BOD1: variants seen among roughly 807,000 people sequenced by gnomAD.
BOD1 encodes the protein biorientation of chromosomes in cell division 1.
A neutral mutation model predicts 15.7 loss-of-function variants in BOD1; 11 were observed. The observed-to-expected ratio is 0.70, with a 90% confidence interval of 0.44 to 1.16. The LOEUF (loss-of-function observed/expected upper bound fraction) is 1.16, where lower values mean the gene tolerates loss of function less well. BOD1 is among the 50% of genes most tolerant of loss of function. BOD1 has a pLI of 0.00. For synonymous variants in BOD1, 105 were observed against 103.5 expected (o/e 1.01, Z -0.09); for missense variants, 182 against 244.5 (o/e 0.74, Z 1.70).
chr5:173,608,146 C>A lies in BOD1; in HGVS notation c.*148G>T. The A allele has an allele frequency of 1.0e-6, 1 of 980,660 alleles. No individual in the cohort carries two copies. The highest frequency in any genetic ancestry group is 1.4e-5 in the South Asian group (1 of 72,950). 60.7% of individuals were successfully genotyped at this position (980,660 alleles called of 1,614,324 possible). A position where few individuals can be genotyped will look rare whatever the true frequency, so the allele number is the denominator to read the frequency against. ...CTCTCCCACTGCCGAACTTGCTCCC[C>A]TTTCAATCTGGTCACTGCCCATGGT... On this transcript the variant is annotated 3_prime_UTR_variant, in exon 4 of 4. Coordinates refer to ENST00000311086, the MANE Select transcript of BOD1 (RefSeq NM_138369.3).
rs1452310218 is a variant in BOD1 at position 173,616,569 on chromosome 5, T to TGGCGGCAGGGGCGGTGGTGGG, written c.-154_-134dup. 1.3e-5 allele frequency: 18 copies of TGGCGGCAGGGGCGGTGGTGGG among 1,376,538 alleles called. No homozygotes were observed. Among genetic ancestry groups the TGGCGGCAGGGGCGGTGGTGGG allele is most frequent in the African/African-American group, 1.5e-5 (1 of 64,892 alleles). 85.3% of individuals were successfully genotyped at this position (1,376,538 alleles called of 1,614,324 possible). A position where few individuals can be genotyped will look rare whatever the true frequency, so the allele number is the denominator to read the frequency against. On this transcript the variant is annotated 5_prime_UTR_variant, in exon 1 of 4. Coordinates refer to ENST00000311086, the MANE Select transcript of BOD1 (RefSeq NM_138369.3). ...AAGGCGGCAGCGGCGGAGGTGGCGA[T>TGGCGGCAGGGGCGGTGGTGGG]GGCGGCAGGGGCGGTGGTGGGGGCG...
intron 2 of BOD1, among the ~76,000 whole-genome samples, chr5:173,611,623 C>A (rs1424792666): frequency 6.6e-6 from 1 of 152,040 alleles, no homozygotes; most frequent in Non-Finnish European, 1.5e-5. Context: ...GGAAAACTTC[C>A]GAAAGGAGGA....
intron 2 of BOD1, 120 bp downstream of exon 2, chr5:173,613,011 C>G: frequency 3.1e-6 from 4 of 1,280,580 alleles, no homozygotes; most frequent in Non-Finnish European, 4.3e-6. Flanking sequence ...ACTGCTGCAA[C>G]TCCTAAGTGA....
At chr5:173,612,712 G>A (rs571476189) in intron 2 of BOD1, among the ~76,000 whole-genome samples, 42 of 152,344 alleles carry the variant, frequency 2.8e-4, no homozygotes, top group Non-Finnish European at 5.1e-4. Context: ...ACACTTTAGA[G>A]GTGGCAGTCC....
At chr5:173,609,501 T>C in intron 2 of BOD1, 67 bp from the exon 3 acceptor site, 2 of 1,537,738 alleles carry the variant, frequency 1.3e-6, no homozygotes, top group Non-Finnish European at 1.8e-6. Context: ...CCCCAATAAG[T>C]GTCACGTGCG....
chr5:173,615,535 C>G (rs749538072), intron 1 of BOD1, among the ~76,000 whole-genome samples: 1 of 152,224 alleles, frequency 6.6e-6, no homozygotes, highest in East Asian at 1.9e-4. Context: ...CCAGCAACTA[C>G]TGTATGTCTG....
chr5:173,613,375 G>T, intron 1 of BOD1, 120 bp from the exon 2 acceptor site: 2 of 1,197,856 alleles, frequency 1.7e-6, no homozygotes, highest in Non-Finnish European at 1.2e-6. Flanking sequence ...CTTCCACTGT[G>T]CATGAAGATC....
At chr5:173,611,371 G>C (rs1755347948) in intron 2 of BOD1, among the ~76,000 whole-genome samples, 1 of 152,234 alleles carries the variant, frequency 6.6e-6, no homozygotes, top group South Asian at 2.1e-4. Flanking sequence ...GTCCACCTGG[G>C]GAGAGCACCT....
chr5:173,615,642 G>C (rs748555401), intron 1 of BOD1, among the ~76,000 whole-genome samples: 3 of 152,216 alleles, frequency 2.0e-5, no homozygotes, highest in Non-Finnish European at 4.4e-5. Context: ...ATGGCATTAG[G>C]ATCTCAACTA....
intron 2 of BOD1, among the ~76,000 whole-genome samples, chr5:173,612,098 C>T (rs928641468): frequency 4.6e-5 from 7 of 152,252 alleles, no homozygotes; most frequent in African/African-American, 1.7e-4. Context: ...GGTACTGACT[C>T]CAGAATGACA....
Position 173,613,208 on chromosome 5 carries a change from T to C in BOD1, c.285A>G (p.Thr95=), listed in dbSNP as rs1755401833. The C allele has an allele frequency of 1.2e-6, 2 of 1,613,734 alleles. No individual in the cohort carries two copies. The highest frequency in any genetic ancestry group is 1.7e-6 in the Non-Finnish European group (2 of 1,179,636). ...GATTCCATTCCTGCTTGTCCAGATG[T>C]GTTGACACAAAATTATCCACTTTCT... ...LRQKVDNFVS[T]HLDKQEWNPT... Residue 95 remains threonine, a synonymous_variant, in exon 2 of 4, where the codon ACA becomes ACG. Transcript: ENST00000311086.
chr5:173,611,911 G>C (rs1755364665), intron 2 of BOD1, among the ~76,000 whole-genome samples: 1 of 152,252 alleles, frequency 6.6e-6, no homozygotes. Flanking sequence ...TCAAGACAGG[G>C]TAAACACAAG....
chr5:173,610,638 C>G (rs75747090), intron 2 of BOD1, among the ~76,000 whole-genome samples: 1,631 of 152,302 alleles, frequency 0.011, 32 homozygotes, highest in African/African-American at 0.037. Flanking sequence ...GGAAAGCCAC[C>G]TCTCCTCAGT....
At chr5:173,608,687 C>T (rs760179634) in intron 3 of BOD1, among the ~76,000 whole-genome samples, 2 of 152,212 alleles carry the variant, frequency 1.3e-5, no homozygotes, top group Non-Finnish European at 2.9e-5. Context: ...TTCTTTTGTA[C>T]ATCTACAGCT....
intron 1 of BOD1, among the ~76,000 whole-genome samples, chr5:173,613,681 C>T (rs543288935): frequency 2.6e-5 from 4 of 152,176 alleles, no homozygotes; most frequent in African/African-American, 7.2e-5. Flanking sequence ...AGCATTACTG[C>T]GGCAAAGTTT....
chr5:173,615,242 A>G (rs1755463457), intron 1 of BOD1, among the ~76,000 whole-genome samples: 1 of 152,244 alleles, frequency 6.6e-6, no homozygotes, highest in Non-Finnish European at 1.5e-5. Context: ...CAGTTTTCTA[A>G]CCTAGACTAT....
intron 1 of BOD1, among the ~76,000 whole-genome samples, 168 bp from the exon 2 acceptor site, chr5:173,613,423 C>T (rs961232491): frequency 5.3e-5 from 8 of 152,186 alleles, no homozygotes; most frequent in Admixed American, 3.9e-4. Flanking sequence ...ATGGTTAACA[C>T]AAGTGCCCAC....
intron 2 of BOD1, 139 bp downstream of exon 2, chr5:173,612,992 A>G: frequency 8.6e-7 from 1 of 1,169,498 alleles, no homozygotes; most frequent in Non-Finnish European, 1.2e-6. Context: ...AATTATAACA[A>G]AAGAGCAGAC....
rs139271119 is a variant in BOD1 at position 173,609,835 on chromosome 5, C to A, written c.363-401G>T. 1.0e-3 allele frequency: 190 copies of A among 184,698 alleles called. 1 individual carries two copies. Among genetic ancestry groups the A allele is most frequent in the African/African-American group, 4.2e-3 (180 of 42,456 alleles). 11.4% of individuals were successfully genotyped at this position (184,698 alleles called of 1,614,324 possible). A position where few individuals can be genotyped will look rare whatever the true frequency, so the allele number is the denominator to read the frequency against. ...GACTCCATTTCCTTCAACATTTATTCTCCTAATAGCCTAAGCAGAAGTAGC... is the reference window on the plus strand; with the variant it reads ...GACTCCATTTCCTTCAACATTTATTATCCTAATAGCCTAAGCAGAAGTAGC... On this transcript the variant is annotated intron_variant, in intron 2 of 3. Transcript: ENST00000311086.
Sources: allele counts gnomAD v4.1 joint callset (sites outside exome capture counted in the v4.1 genomes callset), GRCh38; gene constraint gnomAD v4.1.1; transcripts MANE v1.5; gene names NCBI Gene and HGNC (gene_info 2026-07-23, HGNC 2026-07-21).